The following CDH23 variants were observed in gnomAD, a reference collection of about 807,000 sequenced individuals.
The protein encoded by CDH23 is cadherin related 23.
Under a neutral mutation model 317.1 loss-of-function variants are expected in CDH23, and 189 were observed. The observed-to-expected ratio is 0.60, with a 90% CI of 0.53 to 0.67. CDH23 has a LOEUF of 0.67. Ranked by LOEUF, CDH23 falls within the 30% of genes least tolerant of loss-of-function variation. The pLI is 0.00. For missense variants in CDH23, 4,401 were observed against 4,592.4 expected (o/e 0.96, Z 1.20); for synonymous variants, 1,839 against 1,876.8 (o/e 0.98, Z 0.52).
In CDH23 at chr10:71,815,097, C is replaced by G. The variant is rs368112637; in HGVS notation, c.9884C>G (p.Thr3295Ser). The change falls in exon 70 of 70, where the codon ACC becomes AGC. Residue 3295 changes from threonine (T) to serine (S), a missense_variant. Thr to Ser is a moderately conservative substitution (Grantham distance 58). Coordinates refer to ENST00000224721, the MANE Select transcript of CDH23 (RefSeq NM_022124.6). ...GGCAGCACGGGCACGCTGCTGGCCA[C>G]CGACCTCAACAGCCTGCCCGAGGAA... ...VHGSTGTLLA[T>S]DLNSLPEEDQ... The G allele has an allele frequency of 2.5e-6, 4 of 1,611,058 alleles. No homozygotes were observed. The African/African-American group carries it at 5.3e-5, about 22-fold the overall frequency.
chr10:71,769,614 A>G (rs2132908117), intron 38 of CDH23, among the ~76,000 whole-genome samples: 1 of 152,372 alleles, frequency 6.6e-6, no homozygotes, highest in African/African-American at 2.4e-5. Flanking sequence ...AGCCTCACTG[A>G]GACCACGTCA....
intron 60 of CDH23, among the ~76,000 whole-genome samples, chr10:71,809,066 G>T (rs1841828630): frequency 6.6e-6 from 1 of 151,078 alleles, no homozygotes; most frequent in Non-Finnish European, 1.5e-5. Flanking sequence ...CACGCAGCTA[G>T]AAAGTGACAA....
At chr10:71,580,050 G>T (rs992753098) in intron 9 of CDH23, among the ~76,000 whole-genome samples, 3 of 152,228 alleles carry the variant, frequency 2.0e-5, no homozygotes, top group African/African-American at 7.2e-5. Context: ...GGGAACTCCT[G>T]CAGAGACCCT....
In CDH23 at chr10:71,611,450, C is replaced by T. The variant is rs564069463; in HGVS notation, c.833-4054C>T. ...TCACTGCTGGGAAAACAGCTGTAGG[C>T]ACAGGCTGCTGGGGTGGTGGGGAGA... is the stretch of plus-strand genomic sequence containing the variant. On this transcript the variant is annotated intron_variant, in intron 9 of 69. Coordinates refer to ENST00000224721, the MANE Select transcript of CDH23 (RefSeq NM_022124.6). Among the ~76,000 whole-genome samples the T allele has an allele frequency of 2.6e-5, 4 of 152,288 alleles. No homozygotes were observed. The South Asian group carries it at 8.3e-4, about 32-fold the overall frequency.
At chr10:71,445,236 A>T (rs1014140585) in intron 2 of CDH23, among the ~76,000 whole-genome samples, 2 of 152,202 alleles carry the variant, frequency 1.3e-5, no homozygotes, top group African/African-American at 4.8e-5. Context: ...TAAAATAGGG[A>T]TGTGATAGCA....
intron 3 of CDH23, among the ~76,000 whole-genome samples, chr10:71,489,110 T>G (rs114383613): frequency 0.018 from 2,731 of 152,350 alleles, 65 homozygotes; most frequent in African/African-American, 0.055. Context: ...TTGTCTTCTT[T>G]AATCTATGGA....
intron 6 of CDH23, among the ~76,000 whole-genome samples, chr10:71,525,223 C>T (rs1854969101): frequency 6.6e-6 from 1 of 152,228 alleles, no homozygotes; most frequent in Non-Finnish European, 1.5e-5. Context: ...TGGATTTTAG[C>T]CCCCTGAGGC....
chr10:71,716,279 A>G (rs1334626980), intron 28 of CDH23: 1 of 1,531,736 alleles, frequency 6.5e-7, no homozygotes. Context: ...GGGAGCTGAG[A>G]GAAAGGCGAG....
intron 9 of CDH23, among the ~76,000 whole-genome samples, chr10:71,611,764 T>C (rs1017434589): frequency 1.3e-5 from 2 of 152,224 alleles, no homozygotes; most frequent in African/African-American, 4.8e-5. Context: ...TCAGGGGCCT[T>C]AGCTCAGCGA....
chr10:71,730,707 C>T, intron 31 of CDH23, 103 bp downstream of exon 31: 1 of 1,502,740 alleles, frequency 6.7e-7, no homozygotes, highest in South Asian at 1.2e-5. Flanking sequence ...GCTTCAGGCT[C>T]CCCATTTAGC....
intron 6 of CDH23, among the ~76,000 whole-genome samples, chr10:71,517,799 A>G (rs552510395): frequency 1.3e-5 from 2 of 152,318 alleles, no homozygotes; most frequent in South Asian, 4.1e-4. Context: ...CCTGCAGGCC[A>G]CAGCCAGAGT....
At chr10:71,761,620 G>A in intron 38 of CDH23, 2 of 1,599,706 alleles carry the variant, frequency 1.3e-6, no homozygotes, top group South Asian at 1.1e-5. Context: ...GCAGCTCCAT[G>A]GCACCATGGA....
At chr10:71,688,915 G>A (rs1865042042) in intron 19 of CDH23, among the ~76,000 whole-genome samples, 3 of 126,180 alleles carry the variant, frequency 2.4e-5, no homozygotes, top group Admixed American at 7.6e-5. Context: ...GTGGAGCCAG[G>A]GGTGGTGGAG....
intron 24 of CDH23, among the ~76,000 whole-genome samples, chr10:71,703,269 C>T (rs756742698): frequency 6.6e-6 from 1 of 152,170 alleles, no homozygotes; most frequent in Non-Finnish European, 1.5e-5. Flanking sequence ...GTTTCAAGTC[C>T]TTTCAACACC....
intron 1 of CDH23, among the ~76,000 whole-genome samples, chr10:71,425,328 A>C (rs898719574): frequency 7.2e-6 from 1 of 139,724 alleles, no homozygotes; most frequent in Non-Finnish European, 1.6e-5. Context: ...AAGGAAAGAA[A>C]GAACAAAGAA....
chr10:71,643,792 C>A, intron 11 of CDH23, 69 bp from the exon 12 acceptor site: 1 of 762,610 alleles, frequency 1.3e-6, no homozygotes, highest in Non-Finnish European at 2.4e-6. Flanking sequence ...GTTCCTTCCT[C>A]CTCTCCATAC....
At chr10:71,650,121 C>T (rs531134790) in intron 14 of CDH23, among the ~76,000 whole-genome samples, 1 of 152,306 alleles carries the variant, frequency 6.6e-6, no homozygotes, top group African/African-American at 2.4e-5. Flanking sequence ...AGGGTCGCTC[C>T]AGGTGGTGTG....
chr10:71,510,314 TCCTCTAAGA>T, intron 4 of CDH23, 90 bp downstream of exon 4: 1 of 1,448,834 alleles, frequency 6.9e-7, no homozygotes, highest in East Asian at 2.3e-5. Flanking sequence ...TTTGGCGTCT[TCCTCTAAGA>T]CCCCATTCTG....
In CDH23 at chr10:71,807,670, C is replaced by CG; in HGVS notation, c.8464dup (p.Asp2822GlyfsTer5). The CG allele has an allele frequency of 6.2e-7, 1 of 1,613,920 alleles. No individual in the cohort carries two copies. The highest frequency in any genetic ancestry group is 8.5e-7 in the Non-Finnish European group (1 of 1,179,836). ...CTCCCCGTGGACCCTCCCCAACCCT[C>CG]GACCTGGTTGCTGACCTCACACTGC... On this transcript the variant is annotated frameshift_variant, in exon 59 of 70. Transcript: ENST00000224721. LOFTEE classifies it high-confidence loss of function.
Sources: gnomAD v4.1 joint callset for allele counts (sites outside exome capture counted in the v4.1 genomes callset) on GRCh38, gnomAD v4.1.1 for gene constraint, MANE v1.5 for transcripts, NCBI Gene and HGNC (gene_info 2026-07-23, HGNC 2026-07-21) for gene names.